The following ZNF608 variants were observed in gnomAD, a reference collection of about 807,000 sequenced individuals.
ZNF608 encodes renal carcinoma antigen NY-REN-36.
A neutral mutation model predicts 109.0 loss-of-function variants in ZNF608; 12 were observed. That is an observed-to-expected ratio of 0.11 (90% CI 0.07 to 0.18). The LOEUF is 0.18. ZNF608 is among the 10% of genes least tolerant of loss of function. The pLI is 1.00. For synonymous variants in ZNF608, 732 were observed against 717.4 expected (o/e 1.02, Z -0.33); for missense variants, 1,707 against 1,879.3 (o/e 0.91, Z 1.70).
chr5:124,720,314 G>A (rs940779939), intron 2 of ZNF608, among the ~76,000 whole-genome samples: 3 of 152,120 alleles, frequency 2.0e-5, no homozygotes, highest in Non-Finnish European at 2.9e-5. Flanking sequence ...CTTGTTAATA[G>A]GTGTCATCAT....
intron 3 of ZNF608, among the ~76,000 whole-genome samples, chr5:124,699,390 G>T (rs560986192): frequency 2.3e-4 from 35 of 152,240 alleles, no homozygotes; most frequent in South Asian, 1.9e-3. Flanking sequence ...TCCCAATGTG[G>T]TTCCACAGTA....
chr5:124,644,657 G>C lies in ZNF608; in HGVS notation c.3710C>G (p.Pro1237Arg). Residue 1237 changes from proline to arginine, a missense_variant, in exon 6 of 10, where the codon CCA becomes CGA. Physicochemically the swap from Pro to Arg is moderately radical, Grantham distance 103. Transcript: ENST00000513986. Reference protein sequence around the residue: ...VDPTSRFKQDPDSRTWHHYVY... With the variant: ...VDPTSRFKQDRDSRTWHHYVY... ...ATAATGATGCCATGTTCTTGAATCT[G>C]GGTCCTGATTTTTTTGTTTTAAAGA... The C allele has an allele frequency of 6.5e-7, 1 of 1,532,032 alleles. No homozygotes were observed. Among genetic ancestry groups the C allele is most frequent in the South Asian group, 1.3e-5 (1 of 77,258 alleles). The allele number at this position is 1,532,032 out of a possible 1,614,324, so 94.9% of individuals were successfully genotyped here.
In ZNF608 at chr5:124,701,009, T is replaced by C. The variant is rs758058116; in HGVS notation, c.1162+5A>G. 3.1e-6 allele frequency: 5 copies of C among 1,613,786 alleles called. No individual in the cohort carries two copies. The highest frequency in any genetic ancestry group is 1.1e-5 in the South Asian group (1 of 91,058). On this transcript the variant is annotated splice_donor_5th_base_variant and intron_variant, in intron 3 of 9. Coordinates refer to ENST00000513986, the MANE Select transcript of ZNF608 (RefSeq NM_020747.3). ...GGGAAATATATAAAAATAAATTGTA[T>C]TTACCTTCTTCTGTTTCATGCCACA...
At chr5:124,649,194 A>T (rs1048922353) in intron 4 of ZNF608, 61 bp from the exon 5 acceptor site, 1 of 1,399,596 alleles carries the variant, frequency 7.1e-7, no homozygotes, top group Non-Finnish European at 9.6e-7. Flanking sequence ...GTGAAATCAC[A>T]AAGTACACAA....
At chr5:124,722,906 G>C (rs1580696819) in intron 2 of ZNF608, among the ~76,000 whole-genome samples, 1 of 151,770 alleles carries the variant, frequency 6.6e-6, no homozygotes, top group East Asian at 1.9e-4. Flanking sequence ...TCTGTATACT[G>C]GATCAAAAAT....
At chr5:124,641,970 T>C (rs1750264491) in intron 7 of ZNF608, among the ~76,000 whole-genome samples, 1 of 152,164 alleles carries the variant, frequency 6.6e-6, no homozygotes, top group African/African-American at 2.4e-5. Context: ...TCCCAAACCA[T>C]AGTTTGGGGT....
intron 2 of ZNF608, among the ~76,000 whole-genome samples, chr5:124,740,027 C>T (rs777903430): frequency 6.6e-6 from 1 of 152,160 alleles, no homozygotes; most frequent in Non-Finnish European, 1.5e-5. Flanking sequence ...CTTAACCTCA[C>T]GACATTTGGA....
intron 3 of ZNF608, among the ~76,000 whole-genome samples, chr5:124,668,726 C>G (rs2149811438): frequency 6.6e-6 from 1 of 152,266 alleles, no homozygotes; most frequent in East Asian, 1.9e-4. Context: ...CTGACCCACG[C>G]CCAGGAGCCT....
At chr5:124,671,205 T>C (rs1751700351) in intron 3 of ZNF608, among the ~76,000 whole-genome samples, 1 of 152,172 alleles carries the variant, frequency 6.6e-6, no homozygotes, top group South Asian at 2.1e-4. Context: ...GTGGTCCTGA[T>C]TATAAACTAA....
chr5:124,641,472 A>T, intron 7 of ZNF608, 67 bp from the exon 8 acceptor site: 1 of 1,466,008 alleles, frequency 6.8e-7, no homozygotes, highest in Non-Finnish European at 9.1e-7. Context: ...GTACTAAACC[A>T]CCTTTGTCCC....
chr5:124,672,383 A>G (rs976222756), intron 3 of ZNF608, among the ~76,000 whole-genome samples: 2 of 152,224 alleles, frequency 1.3e-5, no homozygotes, highest in Admixed American at 1.3e-4. Context: ...TCCTCCATGG[A>G]AATAATGAAT....
chr5:124,704,174 T>C (rs564432476), intron 2 of ZNF608, among the ~76,000 whole-genome samples: 73 of 152,340 alleles, frequency 4.8e-4, no homozygotes, highest in Non-Finnish European at 8.8e-4. Flanking sequence ...TAATCATAAA[T>C]AGCACTCCGA....
At chr5:124,673,638 T>A (rs983991272) in intron 3 of ZNF608, among the ~76,000 whole-genome samples, 1 of 152,078 alleles carries the variant, frequency 6.6e-6, no homozygotes, top group African/African-American at 2.4e-5. Context: ...ACAAAAATCA[T>A]GAAAACAAAA....
intron 3 of ZNF608, among the ~76,000 whole-genome samples, chr5:124,650,106 G>A (rs1750714153): frequency 6.6e-6 from 1 of 152,190 alleles, no homozygotes; most frequent in Non-Finnish European, 1.5e-5. Flanking sequence ...TAAACCAGAG[G>A]GTGACTGAAA....
chr5:124,644,478 C>T lies in ZNF608; in HGVS notation c.3889G>A (p.Glu1297Lys). 1 of 1,614,166 alleles carries T rather than the reference C, an allele frequency of 6.2e-7. No homozygotes were observed. Among genetic ancestry groups the T allele is most frequent in the Non-Finnish European group, 8.5e-7 (1 of 1,180,038 alleles). The change falls in exon 6 of 10, where the codon GAG (glutamate) becomes AAG (lysine). Residue 1297 changes from glutamate to lysine, a missense_variant. This residue lies in a region of ZNF608 where 1,073 missense variants were observed against 1,133.5 expected (regional missense o/e 0.95). Transcript: ENST00000513986. ...SLTSIKEEPK[E>K]AKHPDSQSME... The stretch of plus-strand genomic sequence containing the variant: ...GATTGAGAATCAGGATGCTTGGCCT[C>T]TTTGGGCTCCTCTTTAATGCTTGTT...
intron 3 of ZNF608, among the ~76,000 whole-genome samples, chr5:124,699,663 T>C (rs1351971901): frequency 1.3e-5 from 2 of 152,222 alleles, no homozygotes; most frequent in East Asian, 1.9e-4. Context: ...GTATATTTAA[T>C]GTAATATGTA....
chr5:124,708,908 A>G (rs1037896002), intron 2 of ZNF608: 1 of 399,916 alleles, frequency 2.5e-6, no homozygotes, highest in African/African-American at 2.1e-5. Flanking sequence ...GCAGTGGCTC[A>G]CGCCTGTAAT....
In ZNF608 at chr5:124,647,228, C is replaced by T. The variant is rs980636401; in HGVS notation, c.3156G>A (p.Val1052=). The change falls in exon 5 of 10, where the codon GTG becomes GTA. Residue 1052 remains valine (V), a synonymous_variant. Transcript: ENST00000513986. ...GCTGTAAGGATGCAGAATTGTGGTC[C>T]ACTTTCTTAGAATCTAACTGCTCTG... The part of the protein sequence containing the change: ...DKAEQLDSKK[V]DHNSASLQPQ... 6.8e-6 allele frequency: 11 copies of T among 1,614,066 alleles called. No homozygotes were observed. Among genetic ancestry groups the T allele is most frequent in the African/African-American group, 1.3e-5 (1 of 74,924 alleles).
intron 2 of ZNF608, among the ~76,000 whole-genome samples, chr5:124,736,580 A>T (rs1749161772): frequency 6.9e-6 from 1 of 145,814 alleles, no homozygotes; most frequent in South Asian, 2.1e-4. Context: ...AGTGTAGTTT[A>T]AAAAAAAAAA....
Sources: allele counts gnomAD v4.1 joint callset (sites outside exome capture counted in the v4.1 genomes callset), GRCh38; gene constraint gnomAD v4.1.1; regional missense constraint gnomAD v4.1.1; transcripts MANE v1.5; gene names NCBI Gene and HGNC (gene_info 2026-07-23, HGNC 2026-07-21).